Variants in CDKL5 observed in about 807,000 individuals in gnomAD.
The protein encoded by CDKL5 is cyclin dependent kinase like 5.
CDKL5 carries 8 observed loss-of-function variants against 61.7 expected under a neutral mutation model. The observed-to-expected ratio is 0.13, with a 90% confidence interval of 0.08 to 0.23. The LOEUF is 0.23. Ranked by LOEUF, CDKL5 falls within the 10% of genes least tolerant of loss-of-function variation. The pLI, the probability that CDKL5 is intolerant of heterozygous loss-of-function variation, is 1.00. For missense variants in CDKL5, 440 were observed against 734.5 expected (o/e 0.60, Z 4.63); for synonymous variants, 275 against 272.3 (o/e 1.01, Z -0.10).
At chrX:18,522,729 T>G (rs1344044259) in intron 3 of CDKL5, among the ~76,000 whole-genome samples, 2 of 110,784 alleles carry the variant, frequency 1.8e-5, no homozygotes, top group Non-Finnish European at 3.8e-5. Context: ...ATGAAATTGC[T>G]GTTAATTTCT....
At chrX:18,455,019 A>G (rs1256545609) in intron 1 of CDKL5, among the ~76,000 whole-genome samples, 1 of 108,410 alleles carries the variant, frequency 9.2e-6, no homozygotes, top group Non-Finnish European at 1.9e-5. Flanking sequence ...GGCATGAGCC[A>G]CCATGCCTAG....
chrX:18,503,028 A>T (rs1922443630), intron 1 of CDKL5, among the ~76,000 whole-genome samples: 1 of 112,118 alleles, frequency 8.9e-6, no homozygotes, highest in Admixed American at 9.5e-5. Context: ...AAGAATTGAT[A>T]CCTTTATAGT....
In CDKL5 at chrX:18,475,574, G is replaced by A. The variant is rs534248140; in HGVS notation, c.-162-31361G>A. Among the ~76,000 whole-genome samples, 62 of 112,620 alleles carry A rather than the reference G, an allele frequency of 5.5e-4. No homozygotes were observed. The South Asian group carries it at 0.012, about 21-fold the overall frequency. ...TGCTTCCCAAAGTTCTGGGATTACA[G>A]GCATGAGCCACTGTACCTGGCCTGA... is the stretch of plus-strand genomic sequence containing the variant. On this transcript the variant is annotated intron_variant, in intron 1 of 17. Transcript: ENST00000623535.
intron 3 of CDKL5, chrX:18,535,707 G>C: frequency 1.3e-5 from 2 of 159,140 alleles, no homozygotes; most frequent in East Asian, 1.5e-4. Context: ...CTTCATGCTG[G>C]TGGTGTCCTT....
chrX:18,512,829 A>AT (rs1922875681), intron 3 of CDKL5, among the ~76,000 whole-genome samples: 2 of 111,390 alleles, frequency 1.8e-5, no homozygotes, highest in African/African-American at 6.5e-5. Context: ...CTTAAAAAAA[A>AT]TTCCTGGGTG....
At chrX:18,498,505 T>C (rs1302589750) in intron 1 of CDKL5, among the ~76,000 whole-genome samples, 1 of 112,010 alleles carries the variant, frequency 8.9e-6, no homozygotes, top group African/African-American at 3.2e-5. Flanking sequence ...TTTAGCCTCT[T>C]GAGTTTGATG....
chrX:18,564,390 G>T, intron 3 of CDKL5, 87 bp from the exon 4 acceptor site: 1 of 599,339 alleles, frequency 1.7e-6, no homozygotes, highest in African/African-American at 2.2e-5. Context: ...TTGCTACTCT[G>T]TCCCAGAATA....
chrX:18,547,267 T>C (rs1489164859), intron 3 of CDKL5, among the ~76,000 whole-genome samples: 3 of 112,193 alleles, frequency 2.7e-5, no homozygotes, highest in East Asian at 2.8e-4. Context: ...AGGTGTGACA[T>C]GAGCAAGGGA....
Position 18,636,412 on chromosome X carries a change from A to G in CDKL5, c.*7655A>G, listed in dbSNP as rs1007193381. ...ACAACAACCCAGCGAAACAGGTACT[A>G]TTATTATCCCCTTTTTGTAAATGAG... On this transcript the variant is annotated 3_prime_UTR_variant, in exon 18 of 18. Transcript: ENST00000623535. 3 of 108,236 alleles carry G rather than the reference A, an allele frequency of 2.8e-5. No individual in the cohort carries two copies. Among genetic ancestry groups the G allele is most frequent in the Non-Finnish European group, 5.7e-5 (3 of 52,460 alleles). The allele number at this position is 108,236 out of a possible 1,213,427, so 8.9% of individuals were successfully genotyped here.
chrX:18,650,138 C>T, intron 20 of CDKL5: 1 of 403,398 alleles, frequency 2.5e-6, no homozygotes, highest in Non-Finnish European at 4.4e-6. Context: ...TCCCAAATAG[C>T]TCATCTAACA....
At chrX:18,464,197 T>C (rs1455152410) in intron 1 of CDKL5, among the ~76,000 whole-genome samples, 1 of 110,898 alleles carries the variant, frequency 9.0e-6, no homozygotes, top group African/African-American at 3.3e-5. Context: ...TTTTTGTTTT[T>C]TTTTTAATTT....
chrX:18,522,361 T>TTTG (rs1923277595), intron 3 of CDKL5, among the ~76,000 whole-genome samples: 1 of 97,414 alleles, frequency 1.0e-5, no homozygotes, highest in Admixed American at 1.1e-4. Context: ...TTTTTTTTTT[T>TTTG]TGAGACAGAC....
Position 18,647,174 on chromosome X carries a change from C to G in CDKL5, c.2797+1084C>G, listed in dbSNP as rs750398322. On this transcript the variant is annotated intron_variant, in intron 20 of 21. Coordinates refer to the CDKL5 transcript ENST00000379989. ...TTTTTAAAAGCACATGAAAAAAAAT[C>G]CCCGGGCCCTGCTTACCCAAAGCCT... 17 of 1,207,181 alleles carry G rather than the reference C, an allele frequency of 1.4e-5. No homozygotes were observed. Among genetic ancestry groups the G allele is most frequent in the Admixed American group, 6.6e-5 (3 of 45,416 alleles).
intron 2 of CDKL5, among the ~76,000 whole-genome samples, chrX:18,509,245 ACC>A (rs1555940263): frequency 1.0e-5 from 1 of 95,348 alleles, no homozygotes; most frequent in African/African-American, 3.8e-5. Context: ...ACACACACAC[ACC>A]CCTGTCAAGC....
In CDKL5 at chrX:18,638,789, G is replaced by A. The variant is rs969040952; in HGVS notation, c.*10032G>A. On this transcript the variant is annotated 3_prime_UTR_variant, in exon 18 of 18. Transcript: ENST00000623535. ...CAAAACAATCCCGAAGAGCAAAGTT[G>A]GAGGACTCACATGCCCCAATTTCAA... Among the ~76,000 whole-genome samples, 2 of 112,077 alleles carry A rather than the reference G, an allele frequency of 1.8e-5. No homozygotes were observed. The highest frequency in any genetic ancestry group is 3.8e-5 in the Non-Finnish European group (2 of 53,288).
chrX:18,592,252 G>A (rs1261168009), intron 9 of CDKL5, among the ~76,000 whole-genome samples: 2 of 112,236 alleles, frequency 1.8e-5, no homozygotes, highest in Admixed American at 9.4e-5. Context: ...ATAAGAAAGC[G>A]TGGTATATAA....
chrX:18,434,797 A>G (rs1931575116), intron 1 of CDKL5, among the ~76,000 whole-genome samples: 1 of 110,920 alleles, frequency 9.0e-6, no homozygotes, highest in Admixed American at 9.7e-5. Context: ...GTGTGGTGGC[A>G]CGCACCTGTA....
chrX:18,604,066 C>T lies in CDKL5; in HGVS notation c.1142C>T (p.Thr381Ile). Residue 381 changes from threonine (T) to isoleucine (I), a missense_variant, in exon 12 of 18, where the codon ACC becomes ATC. Transcript: ENST00000623535. Reference protein sequence around the residue: ...LAGASLSPLHTKTYQASSQPG... With the variant: ...LAGASLSPLHIKTYQASSQPG... ...GGAGCTAGTCTTAGTCCACTGCACA[C>T]CAAAACCTACCAAGCAAGCAGCCAG... The T allele has an allele frequency of 2.5e-6, 3 of 1,211,085 alleles. No homozygotes were observed. Among genetic ancestry groups the T allele is most frequent in the Non-Finnish European group, 3.4e-6 (3 of 895,199 alleles).
intron 6 of CDKL5, among the ~76,000 whole-genome samples, chrX:18,580,798 A>C (rs890383784): frequency 6.2e-5 from 7 of 112,241 alleles, no homozygotes; most frequent in African/African-American, 2.3e-4. Context: ...TTACCTATAC[A>C]CAAATGCACA....
Sources: allele counts gnomAD v4.1 joint callset (sites outside exome capture counted in the v4.1 genomes callset), GRCh38; gene constraint gnomAD v4.1.1; transcripts MANE v1.5; gene names NCBI Gene and HGNC (gene_info 2026-07-23, HGNC 2026-07-21).